PFKFB3: variants seen among roughly 807,000 people sequenced by gnomAD.
The protein encoded by PFKFB3 is 6-phosphofructo-2-kinase/fructose-2,6-bisphosphatase 3.
PFKFB3 carries 33 observed loss-of-function variants against 68.0 expected under a neutral mutation model. That is an observed-to-expected ratio of 0.49 (90% CI 0.37 to 0.65). PFKFB3 has a LOEUF of 0.65. Among genes scored for constraint, PFKFB3 ranks in the 30% least tolerant of loss-of-function variants. The pLI, the probability that PFKFB3 is intolerant of heterozygous loss-of-function variation, is 0.00. For synonymous variants in PFKFB3, 315 were observed against 288.2 expected (o/e 1.09, Z -0.94); for missense variants, 586 against 712.2 (o/e 0.82, Z 2.02).
In PFKFB3 at chr10:6,220,779, A is replaced by G. The variant is rs1360183559; in HGVS notation, c.745A>G (p.Ile249Val). The G allele has an allele frequency of 1.9e-6, 3 of 1,614,072 alleles. No individual in the cohort carries two copies. In the Admixed American group the frequency reaches 5.0e-5, roughly 27 times the overall value. ...GAACATCCACGTGCAGCCGCGTACC[A>G]TCTACCTGTGCCGGCACGGCGAGAA... ...LMNIHVQPRTIYLCRHGENEH... is the reference protein window; with the variant it reads ...LMNIHVQPRTVYLCRHGENEH... The change falls in exon 8 of 15, where the codon ATC (isoleucine) becomes GTC (valine). Residue 249 changes from isoleucine (I) to valine (V), a missense_variant. Coordinates refer to ENST00000379775, the MANE Select transcript of PFKFB3 (RefSeq NM_004566.4). This position sits in a 1 kb window ranked among gnomAD's most constrained non-coding sequence, Gnocchi z 4.1.
At chr10:6,231,246 C>G (rs760811129) in intron 14 of PFKFB3, 2 of 1,534,490 alleles carry the variant, frequency 1.3e-6, no homozygotes, top group Non-Finnish European at 1.8e-6. Flanking sequence ...CTTCCTCTCC[C>G]CCACTCTGCT....
Position 6,228,132 on chromosome 10 carries a change from G to A in PFKFB3, c.1515+1767G>A. 1.9e-6 allele frequency: 3 copies of A among 1,599,336 alleles called. No homozygotes were observed. Among genetic ancestry groups the A allele is most frequent in the South Asian group, 2.2e-5 (2 of 90,804 alleles). ...CTGGGCCGGCGTGGGGTTTTTCAGG[G>A]CTTCGTCCCTGCAGATTGCGCCCTG... On this transcript the variant is annotated intron_variant, in intron 14 of 14. Coordinates refer to ENST00000379775, the MANE Select transcript of PFKFB3 (RefSeq NM_004566.4). The surrounding 1 kb of genome is among the most constrained non-coding windows in gnomAD (Gnocchi z 4.5).
At chr10:6,219,113 T>TG (rs995467395) in intron 6 of PFKFB3, among the ~76,000 whole-genome samples, 2 of 152,168 alleles carry the variant, frequency 1.3e-5, no homozygotes, top group African/African-American at 2.4e-5. Flanking sequence ...CCTCAGGCAG[T>TG]GGGGGGTGGA....
intron 1 of PFKFB3, among the ~76,000 whole-genome samples, chr10:6,184,233 A>G (rs1205900911): frequency 6.6e-6 from 1 of 151,606 alleles, no homozygotes; most frequent in Non-Finnish European, 1.5e-5. Flanking sequence ...TTGTATTTTT[A>G]GTAGAGACGG....
the PFKFB3 span, among the ~76,000 whole-genome samples, chr10:6,259,924 G>A: frequency 6.6e-6 from 1 of 152,158 alleles, no homozygotes; most frequent in Non-Finnish European, 1.5e-5. Flanking sequence ...CTGAATGGCA[G>A]GCACTTAGCA....
intron 1 of PFKFB3, among the ~76,000 whole-genome samples, chr10:6,191,931 C>T (rs1471562998): frequency 1.3e-5 from 2 of 152,074 alleles, no homozygotes; most frequent in Non-Finnish European, 2.9e-5. Flanking sequence ...TCGCCGTTCT[C>T]TGGGGGTAGA....
At chr10:6,147,391 C>T (rs2131667422) in intron 1 of PFKFB3, among the ~76,000 whole-genome samples, 1 of 152,342 alleles carries the variant, frequency 6.6e-6, no homozygotes. Flanking sequence ...GGAAGCTGAG[C>T]AGGGACAACT....
rs372751961 is a variant in PFKFB3 at position 6,197,284 on chromosome 10, A to G, written c.17-16339A>G. Reference sequence around the variant, plus strand: ...GAGCCACAGCACCTGGCCTTACAGTACATTTTCTATGTTTAGATATACAAA... The same window carrying G: ...GAGCCACAGCACCTGGCCTTACAGTGCATTTTCTATGTTTAGATATACAAA... On this transcript the variant is annotated intron_variant, in intron 1 of 14. Coordinates refer to the PFKFB3 transcript ENST00000379789. Among the ~76,000 whole-genome samples the G allele has an allele frequency of 2.6e-5, 4 of 152,278 alleles. No individual in the cohort carries two copies. In the East Asian group the frequency reaches 7.7e-4, roughly 29 times the overall value.
the PFKFB3 span, among the ~76,000 whole-genome samples, chr10:6,321,803 T>C: frequency 1.3e-5 from 2 of 152,216 alleles, no homozygotes; most frequent in Admixed American, 6.5e-5. Context: ...CAACTCTATG[T>C]AGAAATTCTG....
chr10:6,238,936 G>T (rs546437886), downstream of PFKFB3, among the ~76,000 whole-genome samples: 2 of 152,244 alleles, frequency 1.3e-5, no homozygotes, highest in East Asian at 3.9e-4. Context: ...TCCATGGTGT[G>T]TATGTACCAC....
At chr10:6,262,147 AAAAT>A in the PFKFB3 span, among the ~76,000 whole-genome samples, 1 of 151,960 alleles carries the variant, frequency 6.6e-6, no homozygotes, top group Admixed American at 6.6e-5. Context: ...CCACAAACCT[AAAAT>A]AAAAGTAAAA....
intron 1 of PFKFB3, among the ~76,000 whole-genome samples, chr10:6,180,525 C>G (rs576999192): frequency 1.3e-5 from 2 of 152,288 alleles, no homozygotes; most frequent in Non-Finnish European, 2.9e-5. Flanking sequence ...AGTACAGTGG[C>G]TCAGCCGTGG....
At chr10:6,206,992 G>C (rs375574360) in intron 1 of PFKFB3, among the ~76,000 whole-genome samples, 1 of 148,170 alleles carries the variant, frequency 6.7e-6, no homozygotes, top group African/African-American at 2.5e-5. Flanking sequence ...CATCCCAGAC[G>C]ATGGGTGGCC....
In PFKFB3 at chr10:6,154,227, G is replaced by GT. The variant is rs1311498921; in HGVS notation, c.16+9215dup. On this transcript the variant is annotated intron_variant, in intron 1 of 14. Coordinates refer to the PFKFB3 transcript ENST00000379789. The surrounding 1 kb of genome is among the most constrained non-coding windows in gnomAD (Gnocchi z 4.6). The stretch of plus-strand genomic sequence containing the variant: ...GACAGGAAGGCCTGGGAGGGTTTTG[G>GT]TGGAGGTGTGGGCTGAATTAATTTT... 6.6e-6 allele frequency among the ~76,000 whole-genome samples: 1 copy of GT among 151,706 alleles called. No homozygotes were observed. The highest frequency in any genetic ancestry group is 1.5e-5 in the Non-Finnish European group (1 of 67,956).
the PFKFB3 span, among the ~76,000 whole-genome samples, chr10:6,292,048 A>G: frequency 7.1e-6 from 1 of 141,826 alleles, no homozygotes. Context: ...CCACCTCCCG[A>G]GTTCAAGCAA....
intron 1 of PFKFB3, among the ~76,000 whole-genome samples, chr10:6,193,087 A>G (rs912101296): frequency 2.0e-5 from 3 of 152,198 alleles, no homozygotes; most frequent in Non-Finnish European, 2.9e-5. Context: ...ATGGTGGCTT[A>G]TGCCTGTAAT....
chr10:6,316,629 C>T, the PFKFB3 span, among the ~76,000 whole-genome samples: 1 of 152,094 alleles, frequency 6.6e-6, no homozygotes, highest in African/African-American at 2.4e-5. Flanking sequence ...AGGCATGCAC[C>T]ACCACACCTG....
At chr10:6,165,575 G>C (rs1408204770) in intron 1 of PFKFB3, among the ~76,000 whole-genome samples, 2 of 152,146 alleles carry the variant, frequency 1.3e-5, no homozygotes, top group Non-Finnish European at 2.9e-5. Flanking sequence ...CATGTCTGGC[G>C]TTCTTTGCAG....
At chr10:6,181,272 C>T (rs1417809365) in intron 1 of PFKFB3, among the ~76,000 whole-genome samples, 2 of 152,208 alleles carry the variant, frequency 1.3e-5, no homozygotes, top group African/African-American at 4.8e-5. Flanking sequence ...CCTCTAGTCT[C>T]AGCCTCAGTA....
Sources: gnomAD v4.1 joint callset for allele counts (sites outside exome capture counted in the v4.1 genomes callset) on GRCh38, gnomAD v4.1.1 for gene constraint, Gnocchi (gnomAD v3.1) non-coding constraint, MANE v1.5 for transcripts, NCBI Gene and HGNC (gene_info 2026-07-23, HGNC 2026-07-21) for gene names.